INSL6: variants seen among roughly 807,000 people sequenced by gnomAD.
INSL6 encodes insulin-like peptide INSL6.
Under a neutral mutation model 9.4 loss-of-function variants are expected in INSL6, and 16 were observed. That is an observed-to-expected ratio of 1.70 (90% CI 1.15 to 2.59). INSL6 has a LOEUF of 2.59. Ranked by LOEUF, INSL6 falls within the 30% of genes most tolerant of loss-of-function variation. INSL6 has a pLI of 0.00. For synonymous variants in INSL6, 154 were observed against 96.9 expected, an observed-to-expected ratio of 1.59 and a Z score of -3.46; for missense variants, 391 against 257.3, an observed-to-expected ratio of 1.52 and a Z score of -3.56.
the INSL6 span, chr9:5,114,250 C>G: frequency 5.6e-6 from 3 of 537,582 alleles, no homozygotes; most frequent in Admixed American, 6.5e-5. Flanking sequence ...CCCACAATCA[C>G]CTGTCTGGTG....
chr9:5,026,747 T>C, the INSL6 span, among the ~76,000 whole-genome samples: 1 of 152,198 alleles, frequency 6.6e-6, no homozygotes, highest in Non-Finnish European at 1.5e-5. Context: ...GAATGTTCTA[T>C]ATATGCTTGA....
the INSL6 span, chr9:5,022,360 A>G: frequency 2.9e-5 from 17 of 577,050 alleles, no homozygotes; most frequent in Non-Finnish European, 4.4e-5. Context: ...ATAGAAAATG[A>G]AAGTGTTACT....
chr9:5,029,465 G>C, the INSL6 span, among the ~76,000 whole-genome samples: 2 of 152,158 alleles, frequency 1.3e-5, no homozygotes, highest in Non-Finnish European at 2.9e-5. Flanking sequence ...AAGTGAGCAC[G>C]TGCTGTTGGA....
the INSL6 span, among the ~76,000 whole-genome samples, chr9:5,007,153 T>A: frequency 1.0e-3 from 157 of 152,268 alleles, no homozygotes; most frequent in African/African-American, 3.6e-3. Flanking sequence ...ATTTTTATGG[T>A]TTTTGGCTTA....
chr9:5,007,530 G>A, the INSL6 span, among the ~76,000 whole-genome samples: 1 of 151,664 alleles, frequency 6.6e-6, no homozygotes, highest in African/African-American at 2.4e-5. Context: ...TTTTTGTTGA[G>A]GTATTAAGAA....
chr9:5,041,448 T>TC, the INSL6 span: 1 of 615,326 alleles, frequency 1.6e-6, no homozygotes, highest in African/African-American at 1.8e-5. Flanking sequence ...TGCAGCAGCC[T>TC]CCCCTGGCAG....
At chr9:5,031,343 C>G in the INSL6 span, among the ~76,000 whole-genome samples, 14 of 152,180 alleles carry the variant, frequency 9.2e-5, no homozygotes, top group African/African-American at 2.9e-4. Context: ...ATTATTAAAG[C>G]CACATAATTA....
the INSL6 span, among the ~76,000 whole-genome samples, chr9:5,053,047 T>G: frequency 1.3e-5 from 2 of 152,166 alleles, no homozygotes; most frequent in African/African-American, 4.8e-5. Flanking sequence ...TGGTAACTGT[T>G]TAACTTTTTG....
the INSL6 span, chr9:5,055,863 C>A: frequency 3.8e-6 from 5 of 1,321,048 alleles, no homozygotes; most frequent in Non-Finnish European, 5.2e-6. Flanking sequence ...ATCTTAGTAC[C>A]AAAATTATTT....
At chr9:5,162,339 A>C (rs1824944796), downstream of INSL6, among the ~76,000 whole-genome samples, 2 of 152,226 alleles carry the variant, frequency 1.3e-5, no homozygotes, top group Admixed American at 1.3e-4. Context: ...TTAAACCAAA[A>C]AGCAAATTAA....
rs543279180 is a variant in INSL6, at chr9:5,156,974, G to A, written c.376+7205C>T. Among the ~76,000 whole-genome samples, 18 of 152,188 alleles carry A rather than the reference G, an allele frequency of 1.2e-4. No homozygotes were observed. In the South Asian group the frequency reaches 3.1e-3, roughly 26 times the overall value. On this transcript the variant is annotated intron_variant, in intron 2 of 3. Coordinates refer to the INSL6 transcript ENST00000649639. ...AGAGGTTGCAGTGAGCTGAGACTGC[G>A]ACACTGCACTCCAGCCTGGGTGACA... is the stretch of plus-strand genomic sequence containing the variant.
At chr9:5,178,121 C>T (rs764156872) in intron 1 of INSL6, among the ~76,000 whole-genome samples, 2 of 152,204 alleles carry the variant, frequency 1.3e-5, no homozygotes, top group East Asian at 1.9e-4. Context: ...GTGATCCACC[C>T]GCCTTGGCCT....
In INSL6 at chr9:5,173,280, G is replaced by C. The variant is rs147028058; in HGVS notation, c.290-9015C>G. Among the ~76,000 whole-genome samples the C allele has an allele frequency of 3.2e-3, 480 of 152,218 alleles. 1 individual carries two copies. Among genetic ancestry groups the C allele is most frequent in the Middle Eastern group, 0.017 (5 of 294 alleles). ...TACCATTATTGGGTATATACCCAAA[G>C]GAATATAAATCATTCTATTACAAAG... On this transcript the variant is annotated intron_variant, in intron 1 of 1. Coordinates refer to ENST00000381641, the MANE Select transcript of INSL6 (RefSeq NM_007179.3).
At chr9:5,011,254 C>T in the INSL6 span, among the ~76,000 whole-genome samples, 3 of 152,046 alleles carry the variant, frequency 2.0e-5, no homozygotes, top group East Asian at 5.8e-4. Flanking sequence ...GGTGTGATCA[C>T]GGCTTTCTGC....
the INSL6 span, chr9:5,097,474 G>C: frequency 2.0e-5 from 3 of 152,178 alleles, no homozygotes; most frequent in Non-Finnish European, 2.9e-5. Flanking sequence ...TATGGGCATA[G>C]TATGAGCCAT....
the INSL6 span, among the ~76,000 whole-genome samples, chr9:5,084,052 CT>C: frequency 1.3e-5 from 2 of 151,880 alleles, no homozygotes; most frequent in African/African-American, 4.8e-5. Context: ...AGTTAATGTT[CT>C]TTTGCTTTTT....
the INSL6 span, chr9:5,078,256 C>A: frequency 7.4e-6 from 11 of 1,485,928 alleles, no homozygotes; most frequent in South Asian, 2.4e-5. Flanking sequence ...ACTAAATGCT[C>A]CAGTACTTGT....
chr9:5,051,494 C>T, the INSL6 span, among the ~76,000 whole-genome samples: 1 of 152,064 alleles, frequency 6.6e-6, no homozygotes, highest in Non-Finnish European at 1.5e-5. Flanking sequence ...TTCAGTAAAT[C>T]TGAGTTGAAG....
In INSL6 at chr9:5,185,359, T is replaced by G; in HGVS notation, c.244A>C (p.Ser82Arg). 1.9e-6 allele frequency: 3 copies of G among 1,614,114 alleles called. No individual in the cohort carries two copies. The South Asian group carries it at 3.3e-5, about 18-fold the overall frequency. The change falls in exon 1 of 2, where the codon AGC becomes CGC. Residue 82 changes from serine to arginine, a missense_variant. Physicochemically the swap from Ser to Arg is moderately radical, Grantham distance 110. Coordinates refer to ENST00000381641, the MANE Select transcript of INSL6 (RefSeq NM_007179.3). Reference protein sequence around the residue: ...VEAYSPYQFESPQTASPARGR... With the variant: ...VEAYSPYQFERPQTASPARGR... ...CGGGCCGGGGAAGCGGTTTGCGGGCTTTCGAACTGGTATGGGCTGTAGGCT... is the reference window on the plus strand; with the variant it reads ...CGGGCCGGGGAAGCGGTTTGCGGGCGTTCGAACTGGTATGGGCTGTAGGCT...
Sources: allele counts gnomAD v4.1 joint callset (sites outside exome capture counted in the v4.1 genomes callset), GRCh38; gene constraint gnomAD v4.1.1; transcripts MANE v1.5; gene names NCBI Gene and HGNC (gene_info 2026-07-23, HGNC 2026-07-21).